Variants in TTLL3 observed in about 807,000 individuals in gnomAD.
TTLL3 encodes the protein tubulin monoglycylase TTLL3.
A neutral mutation model predicts 75.2 loss-of-function variants in TTLL3; 63 were observed. The observed-to-expected ratio is 0.84, with a 90% CI of 0.68 to 1.03. The LOEUF is 1.03. Ranked by LOEUF, TTLL3 falls within the 50% of genes least tolerant of loss-of-function variation. TTLL3 has a pLI of 0.00. For synonymous variants in TTLL3, 393 were observed against 418.5 expected (o/e 0.94, Z 0.74); for missense variants, 997 against 1,069.9 (o/e 0.93, Z 0.95).
Position 9,829,397 on chromosome 3 carries a change from TGAG to T in TTLL3, c.1683+7_1683+9del. On this transcript the variant is annotated splice_donor_5th_base_variant and intron_variant, in intron 11 of 13. Coordinates refer to ENST00000685419, the MANE Select transcript of TTLL3 (RefSeq NM_001387446.1). Reference sequence around the variant, plus strand: ...GCCTTTGAGCTCATCTATAAGCAGGTGAGGAGGTTGGGCCCAGGCAGGACCCCA... The same window carrying T: ...GCCTTTGAGCTCATCTATAAGCAGGTGAGGTTGGGCCCAGGCAGGACCCCA... 6.3e-7 allele frequency: 1 copy of T among 1,581,222 alleles called. No homozygotes were observed. Among genetic ancestry groups the T allele is most frequent in the East Asian group, 2.3e-5 (1 of 44,426 alleles).
intron 6 of TTLL3, chr3:9,818,234 G>A (rs1404550475): frequency 5.9e-6 from 1 of 169,694 alleles, no homozygotes; most frequent in African/African-American, 2.4e-5. Flanking sequence ...TGGTTCTCAG[G>A]ACAGAATAAG....
Position 9,826,909 on chromosome 3 carries a change from T to C in TTLL3, c.1004-88T>C. ...GCCTTACCCACTCAGCCCTATCAGC[T>C]CCGAGGGGACAAGAGCTCATGACAA... On this transcript the variant is annotated intron_variant, in intron 9 of 13. Coordinates refer to ENST00000685419, the MANE Select transcript of TTLL3 (RefSeq NM_001387446.1). The C allele has an allele frequency of 3.2e-6, 5 of 1,583,702 alleles. No homozygotes were observed. In the South Asian group the frequency reaches 5.9e-5, roughly 19 times the overall value.
At chr3:9,812,836 A>AAATTTCC (rs1356691876) in intron 2 of TTLL3, 107 bp from the exon 3 acceptor site, 6 of 1,308,198 alleles carry the variant, frequency 4.6e-6, no homozygotes, top group Non-Finnish European at 6.0e-6. Flanking sequence ...TGGAATATAA[A>AAATTTCC]AATTTCCTGA....
At chr3:9,817,559 G>A in intron 5 of TTLL3, 86 bp from the exon 6 acceptor site, 2 of 1,605,324 alleles carry the variant, frequency 1.2e-6, no homozygotes, top group Non-Finnish European at 1.7e-6. Flanking sequence ...TCTGAGCGCA[G>A]ATCCAGTCAG....
rs753720041 is a variant in TTLL3 at position 9,825,801 on chromosome 3, G to A, written c.856G>A (p.Glu286Lys). 66 of 1,613,990 alleles carry A rather than the reference G, an allele frequency of 4.1e-5. No individual in the cohort carries two copies. Among genetic ancestry groups the A allele is most frequent in the South Asian group, 3.7e-4 (34 of 91,082 alleles). The change falls in exon 9 of 14, where the codon GAA becomes AAA. Residue 286 changes from glutamate to lysine, a missense_variant and splice_region_variant. Glu to Lys is a moderately conservative substitution (Grantham distance 56). Coordinates refer to ENST00000685419, the MANE Select transcript of TTLL3 (RefSeq NM_001387446.1). ...FLQRYYQVVH[E>K]GAELRHLDTQ... The stretch of plus-strand genomic sequence containing the variant: ...CCAAGTTCTATCATTTCCCCACAGC[G>A]AAGGGGCAGAACTCAGGCACCTCGA...
At position 9,810,487 on chromosome 3, in the gene TTLL3, G is replaced by T; in HGVS notation, c.-42+93G>T. The stretch of plus-strand genomic sequence containing the variant: ...AGGGACTGGGGGTCGGGAGAAGAGC[G>T]GCTGAGGGTGGGCATCTGGATGAAG... On this transcript the variant is annotated intron_variant, in intron 1 of 13. Transcript: ENST00000685419. The surrounding 1 kb of genome is among the most constrained non-coding windows in gnomAD (Gnocchi z 4.4). The T allele has an allele frequency of 1.4e-6, 2 of 1,448,572 alleles. No homozygotes were observed. Among genetic ancestry groups the T allele is most frequent in the South Asian group, 1.5e-5 (1 of 68,462 alleles). The allele number at this position is 1,448,572 out of a possible 1,614,324, so 89.7% of individuals were successfully genotyped here.
Position 9,810,628 on chromosome 3 carries a change from G to T in TTLL3, c.-34G>T, listed in dbSNP as rs1238339947. 5.1e-6 allele frequency: 8 copies of T among 1,567,294 alleles called. No individual in the cohort carries two copies. The East Asian group carries it at 1.6e-4, about 32-fold the overall frequency. ...TTCCGCATCTTTCTGCAGGTTTCCC[G>T]GTCCTCTGGCGAGGATCCTCCAAGG... is the stretch of plus-strand genomic sequence containing the variant. On this transcript the variant is annotated 5_prime_UTR_variant, in exon 2 of 14. Coordinates refer to ENST00000685419, the MANE Select transcript of TTLL3 (RefSeq NM_001387446.1). The surrounding 1 kb of genome is among the most constrained non-coding windows in gnomAD (Gnocchi z 4.4).
upstream of TTLL3, chr3:9,809,997 C>CAGGGGCCCTGG: frequency 3.5e-6 from 1 of 287,312 alleles, no homozygotes; most frequent in Non-Finnish European, 4.4e-6. Flanking sequence ...GCGAGCGCGG[C>CAGGGGCCCTGG]GAGGGGCGCA....
Position 9,835,746 on chromosome 3 carries a change from A to G in TTLL3, c.*257A>G, listed in dbSNP as rs2081987005. On this transcript the variant is annotated 3_prime_UTR_variant, in exon 14 of 14. Transcript: ENST00000685419. ...CCCCCCAACCCCAGAGAACAAGCCA[A>G]GCTAGCAGAATGACACCTACCGGGC... 2 of 466,280 alleles carry G rather than the reference A, an allele frequency of 4.3e-6. No homozygotes were observed. The highest frequency in any genetic ancestry group is 2.0e-5 in the African/African-American group (1 of 50,330). The allele number at this position is 466,280 out of a possible 1,614,324, so 28.9% of individuals were successfully genotyped here. A position where few individuals can be genotyped will look rare whatever the true frequency, so the allele number is the denominator to read the frequency against.
chr3:9,817,249 G>C (rs1393761587), intron 5 of TTLL3, among the ~76,000 whole-genome samples: 1 of 152,068 alleles, frequency 6.6e-6, no homozygotes, highest in Non-Finnish European at 1.5e-5. Context: ...ACGGTGAAAT[G>C]CCGTCTCTAT....
rs1204806934 is a variant in TTLL3 at position 9,829,412 on chromosome 3, C to A, written c.1683+17C>A. The A allele has an allele frequency of 3.8e-6, 6 of 1,567,198 alleles. No homozygotes were observed. Among genetic ancestry groups the A allele is most frequent in the Non-Finnish European group, 4.3e-6 (5 of 1,153,584 alleles). On this transcript the variant is annotated intron_variant, in intron 11 of 13. Transcript: ENST00000685419. ...TATAAGCAGGTGAGGAGGTTGGGCC[C>A]AGGCAGGACCCCAGAGAGTCTGCAC...
intron 2 of TTLL3, 77 bp from the exon 3 acceptor site, chr3:9,812,866 C>T: frequency 1.4e-6 from 2 of 1,399,890 alleles, no homozygotes; most frequent in Non-Finnish European, 1.9e-6. Context: ...CCATAACTGT[C>T]TGGTTCACCT....
Position 9,820,424 on chromosome 3 carries a change from G to A in TTLL3, c.659-122G>A, listed in dbSNP as rs2080301276. On this transcript the variant is annotated intron_variant, in intron 7 of 13. Coordinates refer to ENST00000685419, the MANE Select transcript of TTLL3 (RefSeq NM_001387446.1). ...AGTGACACATCCCAGGGCAGTAGGGGATCTATCTAGGTTCGTGCTGGGCCT... is the reference window on the plus strand; with the variant it reads ...AGTGACACATCCCAGGGCAGTAGGGAATCTATCTAGGTTCGTGCTGGGCCT... 7.8e-6 allele frequency: 12 copies of A among 1,533,464 alleles called. No individual in the cohort carries two copies. In the South Asian group the frequency reaches 1.4e-4, roughly 18 times the overall value. The allele number at this position is 1,533,464 out of a possible 1,614,324, so 95.0% of individuals were successfully genotyped here.
rs1478418374 is a variant in TTLL3, at chr3:9,835,323, T to C, written c.2282T>C (p.Met761Thr). ...TFQRRRGLGD[M>T]KLGKPLLRFP... is the part of the protein sequence containing the mutation. ...CAGAGGCGCAGGGGCCTGGGGGATATGAAGCTAGGGAAGCCCCTGCTTCGA... is the reference window on the plus strand; with the variant it reads ...CAGAGGCGCAGGGGCCTGGGGGATACGAAGCTAGGGAAGCCCCTGCTTCGA... Residue 761 changes from methionine (M) to threonine (T), a missense_variant, in exon 14 of 14, where the codon ATG becomes ACG. Met to Thr is a moderately conservative substitution (Grantham distance 81). Coordinates refer to ENST00000685419, the MANE Select transcript of TTLL3 (RefSeq NM_001387446.1). The C allele has an allele frequency of 1.2e-6, 2 of 1,614,156 alleles. No individual in the cohort carries two copies. Among genetic ancestry groups the C allele is most frequent in the Admixed American group, 3.3e-5 (2 of 60,018 alleles).
intron 4 of TTLL3, among the ~76,000 whole-genome samples, chr3:9,814,736 G>A (rs2079669911): frequency 6.6e-6 from 1 of 151,512 alleles, no homozygotes; most frequent in Non-Finnish European, 1.5e-5. Context: ...TGTGAGAATT[G>A]CTTGAACGTG....
Position 9,813,346 on chromosome 3 carries a change from G to T in TTLL3, c.315+1G>T. On this transcript the variant is annotated splice_donor_variant, in intron 4 of 13. Transcript: ENST00000685419. LOFTEE classifies it high-confidence loss of function. Reference sequence around the variant, plus strand: ...CCTAGATGGAACACATGCTCTGATGGTGAGGGCCCTGGGGGCCAAGATGAT... The same window carrying T: ...CCTAGATGGAACACATGCTCTGATGTTGAGGGCCCTGGGGGCCAAGATGAT... 6.2e-7 allele frequency: 1 copy of T among 1,614,072 alleles called. No homozygotes were observed. The highest frequency in any genetic ancestry group is 8.5e-7 in the Non-Finnish European group (1 of 1,180,030).
In TTLL3 at chr3:9,825,914, G is replaced by C. The variant is rs2080993760; in HGVS notation, c.969G>C (p.Trp323Cys). Reference protein sequence around the residue: ...QIDMEGDRNIWIVKPGAKSRG... With the variant: ...QIDMEGDRNICIVKPGAKSRG... ...ACATGGAAGGGGATCGCAACATCTG[G>C]ATCGTGAAGCCAGGAGCCAAGTCCC... is the stretch of plus-strand genomic sequence containing the variant. Residue 323 changes from tryptophan to cysteine, a missense_variant, in exon 9 of 14, where the codon TGG becomes TGC. Physicochemically the swap from Trp to Cys is radical, Grantham distance 215 (BLOSUM62 -2). Transcript: ENST00000685419. The C allele has an allele frequency of 7.4e-6, 12 of 1,613,926 alleles. No individual in the cohort carries two copies. Among genetic ancestry groups the C allele is most frequent in the South Asian group, 1.1e-5 (1 of 91,092 alleles).
At chr3:9,811,961 C>G (rs1362644885) in intron 2 of TTLL3, among the ~76,000 whole-genome samples, 1 of 152,232 alleles carries the variant, frequency 6.6e-6, no homozygotes, top group Admixed American at 6.5e-5. Context: ...AGCCAAACTG[C>G]CAGGATGTAA....
intron 11 of TTLL3, among the ~76,000 whole-genome samples, chr3:9,831,757 G>A (rs2124979609): frequency 6.6e-6 from 1 of 151,556 alleles, no homozygotes; most frequent in South Asian, 2.1e-4. Flanking sequence ...CTCATCATCT[G>A]GGGCTACTTG....
Sources: gnomAD v4.1 joint callset for allele counts (sites outside exome capture counted in the v4.1 genomes callset) on GRCh38, gnomAD v4.1.1 for gene constraint, Gnocchi (gnomAD v3.1) non-coding constraint, MANE v1.5 for transcripts, NCBI Gene and HGNC (gene_info 2026-07-23, HGNC 2026-07-21) for gene names.